Variants in PDE4B observed in about 807,000 individuals in gnomAD.
PDE4B encodes the protein phosphodiesterase 4B.
Under a neutral mutation model 82.2 loss-of-function variants are expected in PDE4B, and 20 were observed. That is an observed-to-expected ratio of 0.24 (90% CI 0.17 to 0.35). The LOEUF (loss-of-function observed/expected upper bound fraction) is 0.35. Among genes scored for constraint, PDE4B ranks in the 10% least tolerant of loss-of-function variants. The pLI is 1.00. For missense variants in PDE4B, 655 were observed against 907.2 expected (o/e 0.72, Z 3.57); for synonymous variants, 320 against 318.9 (o/e 1.00, Z -0.04).
intron 3 of PDE4B, among the ~76,000 whole-genome samples, chr1:66,017,549 G>C (rs1652848178): frequency 6.6e-6 from 1 of 152,126 alleles, no homozygotes; most frequent in Non-Finnish European, 1.5e-5. Context: ...ACATTTTCTT[G>C]CTAATTCAAC....
chr1:66,331,471 G>C (rs1399912742), intron 7 of PDE4B, among the ~76,000 whole-genome samples: 1 of 152,132 alleles, frequency 6.6e-6, no homozygotes, highest in Non-Finnish European at 1.5e-5. Context: ...TGAAGTATTT[G>C]TTTAGATTCA....
intron 7 of PDE4B, among the ~76,000 whole-genome samples, chr1:66,294,105 C>G (rs1657316995): frequency 6.6e-6 from 1 of 152,098 alleles, no homozygotes; most frequent in South Asian, 2.1e-4. Context: ...ACTCAGGAGG[C>G]TGAGGCAGGA....
chr1:66,308,880 A>G (rs1326736254), intron 7 of PDE4B, among the ~76,000 whole-genome samples: 1 of 152,200 alleles, frequency 6.6e-6, no homozygotes, highest in Non-Finnish European at 1.5e-5. Context: ...TTGCATTTAG[A>G]TATAGTTACT....
intron 8 of PDE4B, chr1:66,354,683 G>C: frequency 7.1e-7 from 1 of 1,417,612 alleles, no homozygotes; most frequent in Non-Finnish European, 9.2e-7. Context: ...GGCTTTGTTT[G>C]GCTTAGGAAA....
intron 3 of PDE4B, among the ~76,000 whole-genome samples, chr1:66,149,352 G>T (rs1348653770): frequency 6.6e-6 from 1 of 152,020 alleles, no homozygotes; most frequent in Non-Finnish European, 1.5e-5. Context: ...CTGGACACAA[G>T]TATGTCTGAT....
intron 7 of PDE4B, among the ~76,000 whole-genome samples, chr1:66,269,150 T>C (rs1188404350): frequency 6.6e-6 from 1 of 152,274 alleles, no homozygotes; most frequent in Non-Finnish European, 1.5e-5. Flanking sequence ...GTTTTTTCAC[T>C]GTTAACAATT....
At chr1:65,994,424 G>A (rs1651420775) in intron 3 of PDE4B, among the ~76,000 whole-genome samples, 1 of 152,060 alleles carries the variant, frequency 6.6e-6, no homozygotes, top group African/African-American at 2.4e-5. Context: ...TCTTCTTGAT[G>A]TATTACATCA....
At chr1:65,795,091 A>G (rs1645615930) in intron 1 of PDE4B, among the ~76,000 whole-genome samples, 1 of 152,250 alleles carries the variant, frequency 6.6e-6, no homozygotes, top group South Asian at 2.1e-4. Context: ...GTCTAGAGAC[A>G]GGTATTTAAG....
At chr1:66,041,055 T>G (rs932302480) in intron 3 of PDE4B, among the ~76,000 whole-genome samples, 2 of 151,926 alleles carry the variant, frequency 1.3e-5, no homozygotes, top group African/African-American at 4.8e-5. Flanking sequence ...TCAAATGATT[T>G]GTTGTTGAAC....
intron 3 of PDE4B, among the ~76,000 whole-genome samples, chr1:66,188,089 T>G (rs1006706475): frequency 6.6e-5 from 10 of 151,114 alleles, no homozygotes; most frequent in African/African-American, 2.2e-4. Context: ...CATTTTGTTA[T>G]GTACCCAGTA....
At chr1:66,118,149 G>A (rs977456664) in intron 3 of PDE4B, among the ~76,000 whole-genome samples, 2 of 152,150 alleles carry the variant, frequency 1.3e-5, no homozygotes, top group African/African-American at 4.8e-5. Context: ...CCCACTTGTT[G>A]ATGGGGTTGT....
At chr1:66,008,892 T>G (rs1652307855) in intron 3 of PDE4B, among the ~76,000 whole-genome samples, 2 of 152,148 alleles carry the variant, frequency 1.3e-5, no homozygotes, top group African/African-American at 4.8e-5. Flanking sequence ...TCCAGAGGGT[T>G]GTGGACCTCT....
intron 15 of PDE4B, 131 bp from the exon 16 acceptor site, chr1:66,368,656 A>G: frequency 1.7e-6 from 1 of 585,082 alleles, no homozygotes; most frequent in Non-Finnish European, 2.7e-6. Context: ...TTTTCGGTGC[A>G]TATGTCATAA....
intron 3 of PDE4B, among the ~76,000 whole-genome samples, chr1:66,088,734 T>C (rs1644951625): frequency 6.6e-6 from 1 of 152,070 alleles, no homozygotes; most frequent in African/African-American, 2.4e-5. Flanking sequence ...GCTTTTTTTC[T>C]CTTCTCCCGG....
chr1:66,051,725 A>AG (rs1655038689), intron 3 of PDE4B, among the ~76,000 whole-genome samples: 1 of 152,160 alleles, frequency 6.6e-6, no homozygotes, highest in African/African-American at 2.4e-5. Context: ...ATTTGGATAA[A>AG]TTGCCAAGCA....
intron 3 of PDE4B, among the ~76,000 whole-genome samples, chr1:65,993,451 G>C (rs1340696459): frequency 6.6e-6 from 1 of 152,042 alleles, no homozygotes; most frequent in Admixed American, 6.6e-5. Context: ...TCAGTTTTTT[G>C]TTTCATATCT....
intron 1 of PDE4B, among the ~76,000 whole-genome samples, chr1:65,892,875 C>T (rs1646867722): frequency 6.6e-6 from 1 of 152,012 alleles, no homozygotes; most frequent in Non-Finnish European, 1.5e-5. Context: ...TTTGCTACTT[C>T]CATTTTATTA....
At chr1:66,056,746 G>C (rs565321499) in intron 3 of PDE4B, among the ~76,000 whole-genome samples, 8 of 152,250 alleles carry the variant, frequency 5.3e-5, no homozygotes, top group African/African-American at 1.9e-4. Context: ...TGATGGCTTT[G>C]ATGATGGAGG....
intron 1 of PDE4B, among the ~76,000 whole-genome samples, chr1:65,869,630 C>G (rs1332771509): frequency 7.0e-6 from 1 of 143,784 alleles, no homozygotes; most frequent in Non-Finnish European, 1.5e-5. Context: ...GAATTCCACT[C>G]TGTTTTTCTG....
Sources: allele counts gnomAD v4.1 joint callset (sites outside exome capture counted in the v4.1 genomes callset), GRCh38; gene constraint gnomAD v4.1.1; transcripts MANE v1.5; gene names NCBI Gene and HGNC (gene_info 2026-07-23, HGNC 2026-07-21).